Variants in IL19 observed in about 807,000 individuals in gnomAD.
IL19 encodes interleukin 19.
IL19 carries 15 observed loss-of-function variants against 19.5 expected under a neutral mutation model. The observed-to-expected ratio is 0.77, with a 90% CI of 0.52 to 1.19. IL19 has a LOEUF of 1.19. Ranked by LOEUF, IL19 falls within the 50% of genes most tolerant of loss-of-function variation. The probability of loss-of-function intolerance (pLI) is 0.00; values close to 1 mark genes in which losing one functional copy is unlikely to be tolerated. For synonymous variants in IL19, 78 were observed against 78.3 expected (o/e 1.00, Z 0.02); for missense variants, 199 against 213.1 (o/e 0.93, Z 0.41).
intron 1 of IL19, among the ~76,000 whole-genome samples, chr1:206,787,622 T>G (rs564183840): frequency 6.6e-6 from 1 of 152,342 alleles, no homozygotes; most frequent in African/African-American, 2.4e-5. Flanking sequence ...TCAATGAGTC[T>G]TGATTTCTGT....
chr1:206,827,895 C>T (rs79026225), intron 2 of IL19, among the ~76,000 whole-genome samples: 1 of 152,160 alleles, frequency 6.6e-6, no homozygotes. Context: ...TACTTGGTAG[C>T]TCCAAGTCTC....
In IL19 at chr1:206,798,999, T is replaced by C; in HGVS notation, c.-10T>C. The C allele has an allele frequency of 6.2e-7, 1 of 1,609,586 alleles. No individual in the cohort carries two copies. Among genetic ancestry groups the C allele is most frequent in the Non-Finnish European group, 8.5e-7 (1 of 1,175,928 alleles). On this transcript the variant is annotated 5_prime_UTR_variant, in exon 2 of 7. Transcript: ENST00000659997. ...GTGTGCCAGTGCTTTGGGGCTCTGT[T>C]CCACGGGGTAAGTAATTTCTGCTAT... is the stretch of plus-strand genomic sequence containing the variant.
chr1:206,835,145 T>G (rs1342269165), intron 2 of IL19, among the ~76,000 whole-genome samples: 1 of 152,206 alleles, frequency 6.6e-6, no homozygotes, highest in Non-Finnish European at 1.5e-5. Context: ...TGCGCAAGTC[T>G]CCTGGCATGG....
At chr1:206,771,396 T>G in intron 1 of IL19, 1 of 1,612,252 alleles carries the variant, frequency 6.2e-7, no homozygotes, top group Non-Finnish European at 8.5e-7. Context: ...CAACAAGTTG[T>G]CCAGCTGATC....
chr1:206,841,303 C>T (rs771360560), intron 6 of IL19, among the ~76,000 whole-genome samples: 6 of 152,218 alleles, frequency 3.9e-5, no homozygotes, highest in Non-Finnish European at 7.3e-5. Context: ...TTCTCATACC[C>T]TCATATATCA....
At chr1:206,831,158 G>A (rs557073151) in intron 2 of IL19, among the ~76,000 whole-genome samples, 1 of 152,290 alleles carries the variant, frequency 6.6e-6, no homozygotes, top group East Asian at 1.9e-4. Context: ...GAAGGAAATT[G>A]CCCTGGCATC....
chr1:206,773,288 T>G (rs1174496985), intron 1 of IL19, among the ~76,000 whole-genome samples: 1 of 152,204 alleles, frequency 6.6e-6, no homozygotes, highest in Non-Finnish European at 1.5e-5. Flanking sequence ...GGCACAGAGA[T>G]ATTACATCAC....
At chr1:206,827,976 A>G (rs979653630) in intron 2 of IL19, among the ~76,000 whole-genome samples, 1 of 152,252 alleles carries the variant, frequency 6.6e-6, no homozygotes, top group Admixed American at 6.5e-5. Context: ...AGATGAAAAC[A>G]GACAATGCAT....
At chr1:206,813,750 A>G (rs1676076048) in intron 2 of IL19, among the ~76,000 whole-genome samples, 1 of 152,128 alleles carries the variant, frequency 6.6e-6, no homozygotes, top group African/African-American at 2.4e-5. Flanking sequence ...TGTAGTACCT[A>G]GTTATTTAAT....
At chr1:206,805,431 C>T (rs1162756268) in intron 2 of IL19, among the ~76,000 whole-genome samples, 5 of 152,132 alleles carry the variant, frequency 3.3e-5, no homozygotes, top group African/African-American at 4.8e-5. Context: ...CAAAGAATGC[C>T]ATATGCTAGA....
At chr1:206,800,753 A>G (rs1476719338) in intron 2 of IL19, among the ~76,000 whole-genome samples, 4 of 152,238 alleles carry the variant, frequency 2.6e-5, no homozygotes, top group Admixed American at 2.0e-4. Context: ...TATCTGGAAC[A>G]CAAAAAATAT....
chr1:206,827,306 T>A (rs944438333), intron 2 of IL19, among the ~76,000 whole-genome samples: 1 of 152,226 alleles, frequency 6.6e-6, no homozygotes. Flanking sequence ...CTTTTATGAA[T>A]TTGTAATTTG....
chr1:206,802,369 T>G (rs1271354180), intron 2 of IL19, among the ~76,000 whole-genome samples: 1 of 151,196 alleles, frequency 6.6e-6, no homozygotes, highest in Non-Finnish European at 1.5e-5. Flanking sequence ...ATCTGGGTGG[T>G]TTTTTTTTCT....
At chr1:206,820,322 A>C (rs1676262669) in intron 2 of IL19, among the ~76,000 whole-genome samples, 1 of 152,206 alleles carries the variant, frequency 6.6e-6, no homozygotes, top group African/African-American at 2.4e-5. Context: ...TGTAACCTTC[A>C]AGATACCAGC....
chr1:206,789,251 G>A (rs1428407522), intron 1 of IL19, among the ~76,000 whole-genome samples: 2 of 152,180 alleles, frequency 1.3e-5, no homozygotes, highest in Non-Finnish European at 2.9e-5. Flanking sequence ...GACCATTAGG[G>A]TCATTAGACA....
chr1:206,781,868 GTTA>G (rs1558606273), intron 1 of IL19, among the ~76,000 whole-genome samples: 1 of 133,258 alleles, frequency 7.5e-6, no homozygotes, highest in African/African-American at 3.0e-5. Context: ...TATGTATATA[GTTA>G]TATATACATA....
intron 6 of IL19, among the ~76,000 whole-genome samples, chr1:206,842,235 AT>A (rs201251513): frequency 3.3e-5 from 5 of 151,724 alleles, no homozygotes; most frequent in African/African-American, 7.3e-5. Context: ...AGTAAGGCAG[AT>A]TTTTTTTTCC....
At chr1:206,799,242 G>A (rs574922213) in intron 2 of IL19, among the ~76,000 whole-genome samples, 1 of 152,086 alleles carries the variant, frequency 6.6e-6, no homozygotes, top group Non-Finnish European at 1.5e-5. Flanking sequence ...GGGTGGAAAG[G>A]CAGACAAATA....
chr1:206,810,461 A>G (rs1331870012), intron 2 of IL19, among the ~76,000 whole-genome samples: 6 of 152,238 alleles, frequency 3.9e-5, no homozygotes. Context: ...CCAGCCTCAC[A>G]TCCATCCCCC....
Sources: gnomAD v4.1 joint callset for allele counts (sites outside exome capture counted in the v4.1 genomes callset) on GRCh38, gnomAD v4.1.1 for gene constraint, MANE v1.5 for transcripts, NCBI Gene and HGNC (gene_info 2026-07-23, HGNC 2026-07-21) for gene names.